Variants in BCL6B observed in about 807,000 individuals in gnomAD.
BCL6B encodes BCL6B transcription repressor.
In BCL6B, 28 loss-of-function variants were observed where a neutral mutation model predicts 44.6. The ratio of observed to expected loss-of-function variants is 0.63; its 90% CI spans 0.47 to 0.86. The LOEUF is 0.86. BCL6B is among the 40% of genes least tolerant of loss of function. BCL6B has a pLI of 0.00. For missense variants in BCL6B, 626 were observed against 652.3 expected, an observed-to-expected ratio of 0.96 and a Z score of 0.44; for synonymous variants, 268 against 263.6, an observed-to-expected ratio of 1.02 and a Z score of -0.16.
chr17:7,028,651 G>A lies in BCL6B; in HGVS notation c.*1032G>A. The A allele has an allele frequency of 6.1e-6, 6 of 985,472 alleles. No individual in the cohort carries two copies. The South Asian group carries it at 2.8e-4, about 46-fold the overall frequency. The allele number at this position is 985,472 out of a possible 1,614,324, so 61.0% of individuals were successfully genotyped here. On this transcript the variant is annotated 3_prime_UTR_variant, in exon 9 of 9. Transcript: ENST00000293805. ...CCCACGGGGGCCTGTTCTTAGCACTGAGTTGATCGCTCCATGGGGGAGAGA... is the reference window on the plus strand; with the variant it reads ...CCCACGGGGGCCTGTTCTTAGCACTAAGTTGATCGCTCCATGGGGGAGAGA...
At chr17:7,027,363 G>C in intron 8 of BCL6B, 140 bp from the exon 9 acceptor site, 1 of 1,085,686 alleles carries the variant, frequency 9.2e-7, no homozygotes, top group Non-Finnish European at 1.3e-6. Context: ...CCACCCCTGA[G>C]GATTTGGGAG....
rs1910205767 is a variant in BCL6B at position 7,024,040 on chromosome 17, T to TTGGTTCCCCA, written c.180-42_180-33dup. On this transcript the variant is annotated intron_variant, in intron 2 of 8. Coordinates refer to ENST00000293805, the MANE Select transcript of BCL6B (RefSeq NM_181844.4). The surrounding 1 kb of genome is among the most constrained non-coding windows in gnomAD (Gnocchi z 6.6). ...CTTCCTGAAGCTGCGCATGTCTCCC[T>TTGGTTCCCCA]TGGTTCCCCAGCCCCCAAAGGACTT... is the stretch of plus-strand genomic sequence containing the variant. 2.5e-6 allele frequency: 4 copies of TTGGTTCCCCA among 1,599,128 alleles called. No individual in the cohort carries two copies. The highest frequency in any genetic ancestry group is 3.4e-6 in the Non-Finnish European group (4 of 1,168,252).
Position 7,027,970 on chromosome 17 carries a change from C to G in BCL6B, c.*351C>G, listed in dbSNP as rs1323735581. The G allele has an allele frequency of 9.4e-7, 1 of 1,061,310 alleles. No homozygotes were observed. The highest frequency in any genetic ancestry group is 3.3e-5 in the South Asian group (1 of 29,902). 65.7% of individuals were successfully genotyped at this position (1,061,310 alleles called of 1,614,324 possible). ...TATCTGTAAATATAATTTATTGAGG[C>G]CTTTGGGTGGCACCGGGGCCTTCAT... On this transcript the variant is annotated 3_prime_UTR_variant, in exon 9 of 9. Coordinates refer to ENST00000293805, the MANE Select transcript of BCL6B (RefSeq NM_181844.4).
chr17:7,023,929 CAA>C, intron 2 of BCL6B, 79 bp downstream of exon 2: 2 of 1,556,626 alleles, frequency 1.3e-6, no homozygotes, highest in Non-Finnish European at 1.7e-6. Flanking sequence ...AATCCGAAGC[CAA>C]GTCTTTCAGA....
At chr17:7,025,815 C>A (rs1910271206) in intron 5 of BCL6B, among the ~76,000 whole-genome samples, 2 of 115,014 alleles carry the variant, frequency 1.7e-5, no homozygotes, top group Admixed American at 1.3e-4. Flanking sequence ...CCAGCATAGG[C>A]AACACAGCAA....
Position 7,027,064 on chromosome 17 carries a change from C to T in BCL6B, c.1300C>T (p.His434Tyr). Residue 434 changes from histidine (H) to tyrosine (Y), a missense_variant, in exon 8 of 9, where the codon CAC becomes TAC. Transcript: ENST00000293805. ...GACCCTCAAGAGCCACGTTCGCATC[C>T]ACACCGGAGAGAAGCCTTACCACGT... ...LQTLKSHVRIHTGEKPYHCDP... is the reference protein window; with the variant it reads ...LQTLKSHVRIYTGEKPYHCDP... 1 of 1,614,062 alleles carries T rather than the reference C, an allele frequency of 6.2e-7. No individual in the cohort carries two copies. The highest frequency in any genetic ancestry group is 1.3e-5 in the African/African-American group (1 of 75,038).
Position 7,028,015 on chromosome 17 carries a change from C to T in BCL6B, c.*396C>T. 2.0e-6 allele frequency: 2 copies of T among 1,018,530 alleles called. No individual in the cohort carries two copies. Among genetic ancestry groups the T allele is most frequent in the Non-Finnish European group, 2.4e-6 (2 of 850,230 alleles). 63.1% of individuals were successfully genotyped at this position (1,018,530 alleles called of 1,614,324 possible). ...CTTCATTCGATTGCATTTCCCACTC[C>T]CCTCTTCCACAAGTGTGATTAAAAG... is the stretch of plus-strand genomic sequence containing the variant. On this transcript the variant is annotated 3_prime_UTR_variant, in exon 9 of 9. Transcript: ENST00000293805.
intron 8 of BCL6B, 46 bp from the exon 9 acceptor site, chr17:7,027,457 G>T: frequency 1.2e-6 from 2 of 1,608,780 alleles, no homozygotes; most frequent in Non-Finnish European, 1.7e-6. Context: ...ACACCTAAAA[G>T]GTGATTGTGG....
chr17:7,027,473 G>A (rs753629319), intron 8 of BCL6B, 30 bp from the exon 9 acceptor site: 116 of 1,611,904 alleles, frequency 7.2e-5, no homozygotes, highest in Admixed American at 2.2e-4. Flanking sequence ...TGTGGATGGG[G>A]CAGGGCCTGA....
Position 7,028,958 on chromosome 17 carries a change from T to TA in BCL6B, c.*1340dup. The TA allele has an allele frequency of 1.0e-6, 1 of 985,454 alleles. No homozygotes were observed. Among genetic ancestry groups the TA allele is most frequent in the Non-Finnish European group, 1.2e-6 (1 of 829,934 alleles). 61.0% of individuals were successfully genotyped at this position (985,454 alleles called of 1,614,324 possible). A position where few individuals can be genotyped will look rare whatever the true frequency, so the allele number is the denominator to read the frequency against. ...TAGAAGGGATGGTGCTTGGTAACCT[T>TA]ACCTTTTAAAAGCTGGGTCTGTGAC... On this transcript the variant is annotated 3_prime_UTR_variant, in exon 9 of 9. Coordinates refer to ENST00000293805, the MANE Select transcript of BCL6B (RefSeq NM_181844.4).
chr17:7,027,708 G>A lies in BCL6B; in HGVS notation c.*89G>A. On this transcript the variant is annotated 3_prime_UTR_variant, in exon 9 of 9. Coordinates refer to ENST00000293805, the MANE Select transcript of BCL6B (RefSeq NM_181844.4). ...CTTCCCTATCAGGCTTGGGCATAGG[G>A]GTGTGCCAGGCCACTTTGGTATCAG... 6.4e-7 allele frequency: 1 copy of A among 1,569,092 alleles called. No individual in the cohort carries two copies. Among genetic ancestry groups the A allele is most frequent in the Middle Eastern group, 2.1e-4 (1 of 4,872 alleles).
chr17:7,024,250 C>T lies in BCL6B; in HGVS notation c.347C>T (p.Thr116Ile), dbSNP rs1261613828. 2 of 1,613,652 alleles carry T rather than the reference C, an allele frequency of 1.2e-6. No individual in the cohort carries two copies. Among genetic ancestry groups the T allele is most frequent in the East Asian group, 4.5e-5 (2 of 44,896 alleles). ...GCACCAGCAGTCCTAGCGGCCGCCACCTATTTGCAGATGGAGCACGTGGTC... is the reference window on the plus strand; with the variant it reads ...GCACCAGCAGTCCTAGCGGCCGCCATCTATTTGCAGATGGAGCACGTGGTC... ...ATAPAVLAAA[T>I]YLQMEHVVQA... The change falls in exon 3 of 9, where the codon ACC becomes ATC. Residue 116 changes from threonine (T) to isoleucine (I), a missense_variant. Coordinates refer to ENST00000293805, the MANE Select transcript of BCL6B (RefSeq NM_181844.4). The surrounding 1 kb of genome is among the most constrained non-coding windows in gnomAD (Gnocchi z 6.6).
In BCL6B at chr17:7,024,700, C is replaced by CCAA; in HGVS notation, c.703_704insACA (p.Ser234_Ser235insAsn). The CCAA allele has an allele frequency of 6.9e-7, 1 of 1,458,666 alleles. No individual in the cohort carries two copies. The highest frequency in any genetic ancestry group is 9.5e-7 in the Non-Finnish European group (1 of 1,056,902). The allele number at this position is 1,458,666 out of a possible 1,614,324, so 90.4% of individuals were successfully genotyped here. ...AGGCTCCCCAGTGGAGACGAGGCCT[C>CCAA]CAGCAGCAGCAGCAGCAGCAGCAGC... is the stretch of plus-strand genomic sequence containing the variant. On this transcript the variant is annotated inframe_insertion, in exon 4 of 9. Coordinates refer to ENST00000293805, the MANE Select transcript of BCL6B (RefSeq NM_181844.4). The surrounding 1 kb of genome is among the most constrained non-coding windows in gnomAD (Gnocchi z 6.6).
rs379478 is a variant in BCL6B at position 7,026,605 on chromosome 17, T to C, written c.1038T>C (p.His346=). Residue 346 remains histidine (H), a synonymous_variant, in exon 6 of 9, where the codon CAT becomes CAC. Coordinates refer to ENST00000293805, the MANE Select transcript of BCL6B (RefSeq NM_181844.4). ...GCTACAAGGGCAACCTTGCCAGTCA[T>C]CGTACAGTGCACACAGGTAGGGGAA... The part of the protein sequence containing the change: ...SFRYKGNLAS[H]RTVHTGEKPY... The C allele has an allele frequency of 0.99, 1,602,132 of 1,614,160 alleles. 795,668 individuals are homozygous for C. Among genetic ancestry groups the C allele is most frequent in the Non-Finnish European group, 1 (1,179,238 of 1,180,028 alleles).
Position 7,023,664 on chromosome 17 carries a change from G to T in BCL6B, c.-8G>T. The T allele has an allele frequency of 6.2e-7, 1 of 1,610,644 alleles. No individual in the cohort carries two copies. The highest frequency in any genetic ancestry group is 8.5e-7 in the Non-Finnish European group (1 of 1,178,782). The stretch of plus-strand genomic sequence containing the variant: ...CACTTTCCACGGCCTCTACAGGCCT[G>T]TGTCGCTATGGGTTCCCCCGCCGCC... On this transcript the variant is annotated 5_prime_UTR_variant, in exon 2 of 9. Transcript: ENST00000293805.
At position 7,028,914 on chromosome 17, in the gene BCL6B, C is replaced by T. The variant is rs1910379988; in HGVS notation, c.*1295C>T. 6 of 985,288 alleles carry T rather than the reference C, an allele frequency of 6.1e-6. No individual in the cohort carries two copies. In the South Asian group the frequency reaches 2.3e-4, roughly 39 times the overall value. 61.0% of individuals were successfully genotyped at this position (985,288 alleles called of 1,614,324 possible). On this transcript the variant is annotated 3_prime_UTR_variant, in exon 9 of 9. Transcript: ENST00000293805. ...ACATCTTCTGGCAAGTGTCCAGATG[C>T]CAGAACCTTCTTTTCCTCTAGAAGG...
At position 7,027,607 on chromosome 17, in the gene BCL6B, C is replaced by T. The variant is rs746480937; in HGVS notation, c.1428C>T (p.Leu476=). The T allele has an allele frequency of 1.2e-4, 197 of 1,613,292 alleles. 7 individuals are homozygous for T. The South Asian group carries it at 2.0e-3, about 17-fold the overall frequency. Residue 476 remains leucine (L), a synonymous_variant, in exon 9 of 9, where the codon CTC becomes CTT. Coordinates refer to ENST00000293805, the MANE Select transcript of BCL6B (RefSeq NM_181844.4). ...ATNTKVHYHI[L]GGP is the part of the protein sequence containing the mutation. Reference sequence around the variant, plus strand: ...ACACCAAAGTGCACTACCACATTCTCGGGGGGCCCTAGCTGAGCGCAGGCC... The same window carrying T: ...ACACCAAAGTGCACTACCACATTCTTGGGGGGCCCTAGCTGAGCGCAGGCC...
At chr17:7,023,987 G>A (rs890024305) in intron 2 of BCL6B, 96 bp from the exon 3 acceptor site, 11 of 1,528,970 alleles carry the variant, frequency 7.2e-6, no homozygotes, top group Non-Finnish European at 9.8e-6. Flanking sequence ...GTGATAGTGA[G>A]GAGGCGGGAC....
Position 7,026,552 on chromosome 17 carries a change from A to C in BCL6B, c.985A>C (p.Lys329Gln). 1 of 1,614,192 alleles carries C rather than the reference A, an allele frequency of 6.2e-7. No individual in the cohort carries two copies. Among genetic ancestry groups the C allele is most frequent in the Non-Finnish European group, 8.5e-7 (1 of 1,180,034 alleles). ...TCCTGGGGACGAAGACAAACCCTAT[A>C]AGTGTCAGCTGTGCCGGTCTTCGTT... ...LVPGDEDKPY[K>Q]CQLCRSSFRY... The change falls in exon 6 of 9, where the codon AAG becomes CAG. Residue 329 changes from lysine (K) to glutamine (Q), a missense_variant. Transcript: ENST00000293805.
Sources: gnomAD v4.1 joint callset for allele counts (sites outside exome capture counted in the v4.1 genomes callset) on GRCh38, gnomAD v4.1.1 for gene constraint, Gnocchi (gnomAD v3.1) non-coding constraint, MANE v1.5 for transcripts, NCBI Gene and HGNC (gene_info 2026-07-23, HGNC 2026-07-21) for gene names.